Variants in MYO16 observed in about 807,000 individuals in gnomAD.
MYO16 encodes myosin XVI.
MYO16 carries 94 observed loss-of-function variants against 205.3 expected under a neutral mutation model. The observed-to-expected ratio is 0.46, with a 90% CI of 0.39 to 0.54. The LOEUF (loss-of-function observed/expected upper bound fraction) is 0.54, where lower values mean the gene tolerates loss of function less well. Ranked by LOEUF, MYO16 falls within the 20% of genes least tolerant of loss-of-function variation. The pLI, the probability that MYO16 is intolerant of heterozygous loss-of-function variation, is 0.00. For synonymous variants in MYO16, 988 were observed against 954.0 expected (o/e 1.04, Z -0.66); for missense variants, 2,315 against 2,387.5 (o/e 0.97, Z 0.63).
chr13:108,723,134 T>C (rs1292386340), intron 3 of MYO16, among the ~76,000 whole-genome samples: 1 of 144,738 alleles, frequency 6.9e-6, no homozygotes, highest in East Asian at 1.9e-4. Flanking sequence ...GATTGTGAAC[T>C]GTAATTTGAA....
At chr13:108,632,365 T>A (rs751913912) in intron 1 of MYO16, among the ~76,000 whole-genome samples, 4 of 152,152 alleles carry the variant, frequency 2.6e-5, no homozygotes, top group Admixed American at 6.5e-5. Flanking sequence ...AGGAAGTGGA[T>A]GAATTCCAGG....
At chr13:109,129,377 T>C (rs547595109) in intron 31 of MYO16, among the ~76,000 whole-genome samples, 12 of 152,070 alleles carry the variant, frequency 7.9e-5, no homozygotes, top group Middle Eastern at 3.2e-3. Context: ...AGATCGTCCA[T>C]AGGAAAGTCT....
chr13:109,100,989 C>A, intron 28 of MYO16, 102 bp downstream of exon 28: 1 of 978,154 alleles, frequency 1.0e-6, no homozygotes, highest in Non-Finnish European at 1.6e-6. Context: ...AAAACAAATT[C>A]CTTTGATGTG....
At chr13:108,740,248 T>A (rs1178881125) in intron 4 of MYO16, among the ~76,000 whole-genome samples, 1 of 152,174 alleles carries the variant, frequency 6.6e-6, no homozygotes, top group Non-Finnish European at 1.5e-5. Context: ...GGCTCTGTTT[T>A]TTCCCCATCT....
chr13:109,117,409 T>C (rs1486090816), intron 28 of MYO16, among the ~76,000 whole-genome samples: 2 of 145,504 alleles, frequency 1.4e-5, no homozygotes, highest in East Asian at 2.1e-4. Context: ...TATATATATA[T>C]GTGTATATAT....
At chr13:108,911,304 T>A (rs1465053635) in intron 16 of MYO16, among the ~76,000 whole-genome samples, 7 of 152,110 alleles carry the variant, frequency 4.6e-5, no homozygotes, top group African/African-American at 1.7e-4. Context: ...AATAAACAGG[T>A]TGGTAATAGT....
chr13:108,694,041 C>G (rs1882997899), intron 2 of MYO16, among the ~76,000 whole-genome samples: 1 of 152,180 alleles, frequency 6.6e-6, no homozygotes, highest in Admixed American at 6.5e-5. Flanking sequence ...GATACAATCT[C>G]ATCCATTTTT....
intron 9 of MYO16, among the ~76,000 whole-genome samples, chr13:108,839,581 A>C (rs1479348081): frequency 2.0e-5 from 3 of 152,226 alleles, no homozygotes; most frequent in African/African-American, 7.2e-5. Flanking sequence ...CACTCCCAAA[A>C]AGAGGGGACT....
chr13:108,668,496 T>A (rs1032274317), intron 2 of MYO16, among the ~76,000 whole-genome samples: 1 of 152,146 alleles, frequency 6.6e-6, no homozygotes, highest in Admixed American at 6.5e-5. Flanking sequence ...GTTCTGTAGG[T>A]CTGAGGTGAG....
At chr13:109,176,551 G>A (rs540511202) in intron 33 of MYO16, among the ~76,000 whole-genome samples, 5 of 99,082 alleles carry the variant, frequency 5.0e-5, no homozygotes, top group Admixed American at 2.6e-4. Flanking sequence ...CTTCTAATAC[G>A]GCAGCTAAAT....
intron 32 of MYO16, among the ~76,000 whole-genome samples, chr13:109,152,615 G>A (rs1355953446): frequency 6.6e-6 from 1 of 152,212 alleles, no homozygotes; most frequent in Non-Finnish European, 1.5e-5. Context: ...ACCCGGTGAT[G>A]TGGCACAGCT....
At chr13:108,950,654 T>C (rs1329680123) in intron 16 of MYO16, among the ~76,000 whole-genome samples, 3 of 152,216 alleles carry the variant, frequency 2.0e-5, no homozygotes, top group Admixed American at 2.0e-4. Context: ...TATAAAACTA[T>C]AGATGCAACT....
the MYO16 span, among the ~76,000 whole-genome samples, chr13:108,526,235 A>G: frequency 2.6e-5 from 4 of 152,336 alleles, 1 homozygote; most frequent in Middle Eastern, 0.01. Flanking sequence ...TTGCTTCCAA[A>G]ATCAATTATA....
At chr13:108,858,827 T>A (rs190707194) in intron 11 of MYO16, among the ~76,000 whole-genome samples, 383 of 152,200 alleles carry the variant, frequency 2.5e-3, no homozygotes, top group Non-Finnish European at 4.3e-3. Flanking sequence ...CGCAACGCTT[T>A]CCCCCTACCT....
At chr13:108,683,449 C>T (rs531813259) in intron 2 of MYO16, among the ~76,000 whole-genome samples, 1 of 152,242 alleles carries the variant, frequency 6.6e-6, no homozygotes, top group South Asian at 2.1e-4. Context: ...AATACCCAAA[C>T]CTTATAGTCC....
intron 1 of MYO16, among the ~76,000 whole-genome samples, chr13:108,664,591 ATCT>A: frequency 6.6e-6 from 1 of 152,280 alleles, no homozygotes; most frequent in African/African-American, 2.4e-5. Context: ...TTAGTATATA[ATCT>A]TCTTGGATAT....
chr13:108,710,747 T>G (rs1883687955), intron 2 of MYO16, among the ~76,000 whole-genome samples: 1 of 152,210 alleles, frequency 6.6e-6, no homozygotes, highest in Non-Finnish European at 1.5e-5. Flanking sequence ...ATTCACTGTG[T>G]GTCTGCATAA....
chr13:108,933,961 A>G (rs928602806), intron 16 of MYO16, among the ~76,000 whole-genome samples: 3 of 152,146 alleles, frequency 2.0e-5, no homozygotes, highest in Non-Finnish European at 2.9e-5. Context: ...GTAGTATTCC[A>G]TGGTGTATAT....
chr13:108,784,371 A>C (rs1389864446), intron 4 of MYO16, among the ~76,000 whole-genome samples: 2 of 152,228 alleles, frequency 1.3e-5, no homozygotes, highest in Non-Finnish European at 2.9e-5. Context: ...TGTTCAGATA[A>C]AGTAATATCT....
Sources: allele counts gnomAD v4.1 joint callset (sites outside exome capture counted in the v4.1 genomes callset), GRCh38; gene constraint gnomAD v4.1.1; transcripts MANE v1.5; gene names NCBI Gene and HGNC (gene_info 2026-07-23, HGNC 2026-07-21).